Variants in FOXK2 observed in about 807,000 individuals in gnomAD.
FOXK2 encodes forkhead box protein K2.
Under a neutral mutation model 53.3 loss-of-function variants are expected in FOXK2, and 24 were observed. That is an observed-to-expected ratio of 0.45 (90% CI 0.33 to 0.63). The LOEUF is 0.63. FOXK2 is among the 30% of genes least tolerant of loss of function. The pLI is 0.03. For synonymous variants in FOXK2, 505 were observed against 407.1 expected (o/e 1.24, Z -2.89); for missense variants, 952 against 910.5 (o/e 1.05, Z -0.59).
chr17:82,549,878 G>C (rs2044659768), intron 1 of FOXK2, among the ~76,000 whole-genome samples: 2 of 152,206 alleles, frequency 1.3e-5, no homozygotes. Context: ...GGGGTCCAGT[G>C]CAGAATGAAA....
intron 1 of FOXK2, among the ~76,000 whole-genome samples, chr17:82,532,467 C>T (rs1300156009): frequency 6.6e-6 from 1 of 151,560 alleles, no homozygotes; most frequent in African/African-American, 2.4e-5. Flanking sequence ...AAAGAGTTTT[C>T]TTGTCAGGTA....
chr17:82,560,381 C>T (rs1555638545), intron 1 of FOXK2, among the ~76,000 whole-genome samples: 1 of 151,806 alleles, frequency 6.6e-6, no homozygotes, highest in Non-Finnish European at 1.5e-5. Context: ...TCCTGTTTGG[C>T]TTCCCAAAGT....
chr17:82,597,040 C>A (rs150486864), intron 8 of FOXK2, among the ~76,000 whole-genome samples: 157 of 152,294 alleles, frequency 1.0e-3, no homozygotes, highest in South Asian at 1.9e-3. Context: ...GTGAAGGCGG[C>A]GGCGCCTCTG....
chr17:82,568,911 T>C (rs538356167), intron 3 of FOXK2, among the ~76,000 whole-genome samples: 2 of 152,200 alleles, frequency 1.3e-5, no homozygotes, highest in Admixed American at 1.3e-4. Flanking sequence ...CTCTGGAGGC[T>C]GAGGCGGGAG....
At chr17:82,544,486 T>C (rs72861057) in intron 1 of FOXK2, among the ~76,000 whole-genome samples, 23,518 of 152,140 alleles carry the variant, frequency 0.15, 2,228 homozygotes, top group East Asian at 0.32. Flanking sequence ...CAGAGCAGAC[T>C]GGATTTTACA....
chr17:82,559,640 G>A (rs2044771959), intron 1 of FOXK2, among the ~76,000 whole-genome samples: 1 of 152,092 alleles, frequency 6.6e-6, no homozygotes, highest in South Asian at 2.1e-4. Flanking sequence ...GTCCTCAGAG[G>A]AGGTGACAGC....
chr17:82,532,584 AT>A (rs1470137437), intron 1 of FOXK2, among the ~76,000 whole-genome samples: 4 of 152,314 alleles, frequency 2.6e-5, no homozygotes, highest in African/African-American at 7.2e-5. Context: ...ACATAAAAAA[AT>A]ATTTTTGTTG....
At chr17:82,554,000 A>C (rs562803629) in intron 1 of FOXK2, among the ~76,000 whole-genome samples, 48 of 151,980 alleles carry the variant, frequency 3.2e-4, no homozygotes, top group African/African-American at 1.1e-3. Flanking sequence ...CGCCTGGGTA[A>C]TTTTTGTATT....
chr17:82,577,537 C>T (rs1014533688), intron 4 of FOXK2: 1 of 224,258 alleles, frequency 4.5e-6, no homozygotes, highest in Non-Finnish European at 8.8e-6. Context: ...CAGGCCCAGC[C>T]CTGGGTTAGG....
chr17:82,563,259 T>A (rs4789796), intron 1 of FOXK2, 95 bp from the exon 2 acceptor site: 4 of 1,197,504 alleles, frequency 3.3e-6, no homozygotes, highest in Non-Finnish European at 4.7e-6. Flanking sequence ...GCATCCATGT[T>A]CTCAGCTGCT....
intron 4 of FOXK2, among the ~76,000 whole-genome samples, chr17:82,581,211 G>A (rs1489734657): frequency 6.6e-6 from 1 of 152,156 alleles, no homozygotes; most frequent in Non-Finnish European, 1.5e-5. Flanking sequence ...GTAAATTCAC[G>A]AAATGTTTCT....
chr17:82,587,196 A>G lies in FOXK2; in HGVS notation c.1710A>G (p.Leu570=). 1 of 1,613,120 alleles carries G rather than the reference A, an allele frequency of 6.2e-7. No homozygotes were observed. Among genetic ancestry groups the G allele is most frequent in the Non-Finnish European group, 8.5e-7 (1 of 1,180,014 alleles). The change falls in exon 8 of 9, where the codon CTA becomes CTG. Residue 570 remains leucine, a synonymous_variant. Coordinates refer to ENST00000335255, the MANE Select transcript of FOXK2 (RefSeq NM_004514.4). ...VQQAPLGQHQ[L]PIKTVTQNGT... is the part of the protein sequence containing the mutation. The stretch of plus-strand genomic sequence containing the variant: ...AGGCACCTCTAGGTCAACACCAGCT[A>G]CCAATAAAAACTGTAACACAAAACG...
At chr17:82,552,850 G>A (rs1231583557) in intron 1 of FOXK2, among the ~76,000 whole-genome samples, 2 of 152,182 alleles carry the variant, frequency 1.3e-5, no homozygotes, top group Non-Finnish European at 2.9e-5. Context: ...GCGTCTCCGC[G>A]TGCTCTGCAA....
At chr17:82,584,832 G>C (rs910290463) in intron 6 of FOXK2, among the ~76,000 whole-genome samples, 2 of 152,194 alleles carry the variant, frequency 1.3e-5, no homozygotes, top group Non-Finnish European at 2.9e-5. Flanking sequence ...GCGTACAGGC[G>C]TGAGCCACCA....
intron 1 of FOXK2, among the ~76,000 whole-genome samples, chr17:82,529,753 C>T (rs2044455286): frequency 6.6e-6 from 1 of 152,148 alleles, no homozygotes; most frequent in South Asian, 2.1e-4. Flanking sequence ...GATAACTCCT[C>T]CCTTTGCAGC....
intron 1 of FOXK2, among the ~76,000 whole-genome samples, chr17:82,541,335 C>T (rs12185255): frequency 0.44 from 66,650 of 151,174 alleles, 14,871 homozygotes; most frequent in South Asian, 0.55. Context: ...TGCAGTGGCA[C>T]GATCTCGGCT....
chr17:82,542,309 G>A (rs1051592576), intron 1 of FOXK2, among the ~76,000 whole-genome samples: 7 of 151,734 alleles, frequency 4.6e-5, no homozygotes, highest in Non-Finnish European at 8.8e-5. Context: ...TTACAGGTGC[G>A]CACTACCAGG....
chr17:82,604,344 C>T lies in FOXK2; in HGVS notation c.*2845C>T, dbSNP rs12939611. On this transcript the variant is annotated 3_prime_UTR_variant, in exon 9 of 9. Coordinates refer to ENST00000335255, the MANE Select transcript of FOXK2 (RefSeq NM_004514.4). Reference sequence around the variant, plus strand: ...AGAGTACGCGGTGGACAGCTGATCTCCTTCAGTCGTCTACCCACTTCCGTC... The same window carrying T: ...AGAGTACGCGGTGGACAGCTGATCTTCTTCAGTCGTCTACCCACTTCCGTC... 0.14 allele frequency: 21,792 copies of T among 152,382 alleles called. 1,692 individuals carry two copies. Among genetic ancestry groups the T allele is most frequent in the Middle Eastern group, 0.24 (70 of 294 alleles). 9.4% of individuals were successfully genotyped at this position (152,382 alleles called of 1,614,324 possible).
intron 8 of FOXK2, 100 bp from the exon 9 acceptor site, chr17:82,601,203 T>TGGGGTTCTGACTCGCG: frequency 1.6e-6 from 2 of 1,258,270 alleles, no homozygotes; most frequent in Non-Finnish European, 2.2e-6. Context: ...CATGAGAGCG[T>TGGGGTTCTGACTCGCG]GGGGTTCTGA....
Sources: gnomAD v4.1 joint callset for allele counts (sites outside exome capture counted in the v4.1 genomes callset) on GRCh38, gnomAD v4.1.1 for gene constraint, MANE v1.5 for transcripts, NCBI Gene and HGNC (gene_info 2026-07-23, HGNC 2026-07-21) for gene names.